Variants in RNF138 observed in about 807,000 individuals in gnomAD.
The protein encoded by RNF138 is E3 ubiquitin-protein ligase RNF138.
RNF138 carries 12 observed loss-of-function variants against 31.0 expected under a neutral mutation model. The observed-to-expected ratio is 0.39, with a 90% CI of 0.25 to 0.63. The LOEUF is 0.63. RNF138 is among the 20% of genes least tolerant of loss of function. The pLI is 0.52. For synonymous variants in RNF138, 105 were observed against 99.5 expected, an observed-to-expected ratio of 1.06 and a Z score of -0.33; for missense variants, 192 against 300.1, an observed-to-expected ratio of 0.64 and a Z score of 2.66.
chr18:32,092,402 GGCGCGAGCCCGCGC>G (rs2039707464), intron 1 of RNF138, among the ~76,000 whole-genome samples, 167 bp downstream of exon 1: 1 of 152,048 alleles, frequency 6.6e-6, no homozygotes, highest in African/African-American at 2.4e-5. Context: ...CTGAGGGCGG[GGCGCGAGCCCGCGC>G]CTGGAGCCCG....
rs147860563 is a variant in RNF138 at position 32,105,068 on chromosome 18, A to G, written c.111-6686A>G. ...ATTATTAAATTAAAAATATAAAAATACAAAATGAAAATTAAAAAATCATAT... is the reference window on the plus strand; with the variant it reads ...ATTATTAAATTAAAAATATAAAAATGCAAAATGAAAATTAAAAAATCATAT... On this transcript the variant is annotated intron_variant, in intron 2 of 7. Coordinates refer to ENST00000261593, the MANE Select transcript of RNF138 (RefSeq NM_016271.5). 6.6e-4 allele frequency among the ~76,000 whole-genome samples: 100 copies of G among 152,292 alleles called. 1 individual carries two copies. Among genetic ancestry groups the G allele is most frequent in the African/African-American group, 2.4e-3 (100 of 41,562 alleles).
At chr18:32,123,762 C>T (rs2040343337) in intron 5 of RNF138, among the ~76,000 whole-genome samples, 188 bp downstream of exon 5, 1 of 150,658 alleles carries the variant, frequency 6.6e-6, no homozygotes, top group African/African-American at 2.4e-5. Flanking sequence ...AAGTGATTCT[C>T]CTGCCTCAGC....
chr18:32,111,033 G>A (rs1284088471), intron 2 of RNF138, among the ~76,000 whole-genome samples: 1 of 152,220 alleles, frequency 6.6e-6, no homozygotes, highest in Non-Finnish European at 1.5e-5. Context: ...GCCTGCTTCA[G>A]CGTCCCAAAG....
intron 2 of RNF138, among the ~76,000 whole-genome samples, chr18:32,102,959 T>C (rs899205829): frequency 6.6e-6 from 1 of 152,188 alleles, no homozygotes; most frequent in African/African-American, 2.4e-5. Context: ...AAAATAGTTT[T>C]GTGATCTAAA....
At chr18:32,121,278 C>T (rs958044613) in intron 4 of RNF138, among the ~76,000 whole-genome samples, 1 of 152,060 alleles carries the variant, frequency 6.6e-6, no homozygotes, top group African/African-American at 2.4e-5. Context: ...GGCAGATCAC[C>T]TGAGGTTGGG....
At chr18:32,119,346 C>T (rs749723796) in intron 4 of RNF138, among the ~76,000 whole-genome samples, 10 of 152,190 alleles carry the variant, frequency 6.6e-5, no homozygotes, top group East Asian at 1.9e-4. Context: ...ACAGTCCTCC[C>T]GCCTTGGCCT....
intron 2 of RNF138, among the ~76,000 whole-genome samples, chr18:32,110,285 G>A (rs1421156470): frequency 1.3e-5 from 2 of 152,142 alleles, no homozygotes; most frequent in African/African-American, 2.4e-5. Context: ...GAGCCACTAC[G>A]CCCTGCCTAA....
chr18:32,096,780 G>A (rs1287066149), intron 2 of RNF138, among the ~76,000 whole-genome samples: 2 of 152,094 alleles, frequency 1.3e-5, no homozygotes, highest in African/African-American at 4.8e-5. Flanking sequence ...TGCGAGGAGT[G>A]CAGTGGCATG....
At chr18:32,102,267 T>C (rs1042464302) in intron 2 of RNF138, among the ~76,000 whole-genome samples, 2 of 142,868 alleles carry the variant, frequency 1.4e-5, no homozygotes, top group African/African-American at 5.3e-5. Flanking sequence ...AGTGGCGCGA[T>C]GTCGGCTCAC....
intron 4 of RNF138, 47 bp downstream of exon 4, chr18:32,113,907 G>T: frequency 1.0e-6 from 1 of 997,740 alleles, no homozygotes; most frequent in South Asian, 1.5e-5. Context: ...AATTGAAATG[G>T]AAATTGTTTT....
At chr18:32,111,972 A>T in intron 3 of RNF138, 53 bp downstream of exon 3, 1 of 1,411,402 alleles carries the variant, frequency 7.1e-7, no homozygotes, top group Non-Finnish European at 9.5e-7. Context: ...CTACTCTGAA[A>T]TTCTTATTTG....
intron 2 of RNF138, among the ~76,000 whole-genome samples, chr18:32,099,591 G>A (rs796386870): frequency 2.6e-5 from 4 of 152,198 alleles, no homozygotes; most frequent in South Asian, 4.1e-4. Flanking sequence ...TTTTAGTAGA[G>A]ATGGTGTTGC....
intron 2 of RNF138, among the ~76,000 whole-genome samples, chr18:32,096,693 A>G (rs2039811954): frequency 6.6e-6 from 1 of 152,178 alleles, no homozygotes; most frequent in African/African-American, 2.4e-5. Flanking sequence ...AGCAGTCAGC[A>G]TTTTCAGAGG....
At chr18:32,126,841 A>G in intron 7 of RNF138, 41 bp downstream of exon 7, 1 of 1,218,316 alleles carries the variant, frequency 8.2e-7, no homozygotes, top group Non-Finnish European at 1.2e-6. Flanking sequence ...CTGTTTAAAT[A>G]TTAAAGTTAA....
chr18:32,099,965 G>A (rs2039893293), intron 2 of RNF138, among the ~76,000 whole-genome samples: 1 of 152,194 alleles, frequency 6.6e-6, no homozygotes, highest in Non-Finnish European at 1.5e-5. Context: ...AATAATTGCA[G>A]CTCTAGTGAA....
At position 32,131,351 on chromosome 18, in the gene RNF138, A is replaced by G. The variant is rs1483090876; in HGVS notation, c.*2164A>G. ...GAATAGGGATAGACTTTACAGATTT[A>G]TGGAAATTAAATTTATGGGGAAAAG... is the stretch of plus-strand genomic sequence containing the variant. On this transcript the variant is annotated 3_prime_UTR_variant, in exon 8 of 8. Transcript: ENST00000261593. The G allele has an allele frequency of 6.8e-6, 1 of 147,124 alleles. No individual in the cohort carries two copies. The highest frequency in any genetic ancestry group is 2.5e-5 in the African/African-American group (1 of 39,762). The allele number at this position is 147,124 out of a possible 1,614,324, so 9.1% of individuals were successfully genotyped here.
intron 2 of RNF138, among the ~76,000 whole-genome samples, chr18:32,094,330 A>G (rs989915407): frequency 1.1e-4 from 16 of 151,900 alleles, no homozygotes; most frequent in Admixed American, 3.9e-4. Flanking sequence ...TTTTTCCCCA[A>G]TCTTAACTGC....
intron 2 of RNF138, among the ~76,000 whole-genome samples, chr18:32,106,597 C>T (rs1437616565): frequency 7.2e-5 from 11 of 151,764 alleles, no homozygotes; most frequent in Admixed American, 7.2e-4. Context: ...TGGAGTCTCG[C>T]TCTGTCACAC....
At chr18:32,101,198 A>C (rs899482298) in intron 2 of RNF138, among the ~76,000 whole-genome samples, 1 of 151,064 alleles carries the variant, frequency 6.6e-6, no homozygotes, top group Non-Finnish European at 1.5e-5. Context: ...TCTGGGCTTC[A>C]ACCTCTTATA....
Sources: gnomAD v4.1 joint callset for allele counts (sites outside exome capture counted in the v4.1 genomes callset) on GRCh38, gnomAD v4.1.1 for gene constraint, MANE v1.5 for transcripts, NCBI Gene and HGNC (gene_info 2026-07-23, HGNC 2026-07-21) for gene names.